MBTD1: variants seen among roughly 807,000 people sequenced by gnomAD.
The protein encoded by MBTD1 is mbt domain containing 1.
In MBTD1, 24 loss-of-function variants were observed where a neutral mutation model predicts 87.8. That is an observed-to-expected ratio of 0.27 (90% CI 0.20 to 0.38). The LOEUF (loss-of-function observed/expected upper bound fraction) is 0.38. MBTD1 is among the 10% of genes least tolerant of loss of function. MBTD1 has a pLI of 1.00. For synonymous variants in MBTD1, 237 were observed against 248.6 expected (o/e 0.95, Z 0.44); for missense variants, 436 against 760.2 (o/e 0.57, Z 5.02).
At chr17:51,225,801 C>T (rs2053183319) in intron 2 of MBTD1, among the ~76,000 whole-genome samples, 1 of 148,070 alleles carries the variant, frequency 6.8e-6, no homozygotes, top group African/African-American at 2.5e-5. Flanking sequence ...TTTTTTGAGA[C>T]TCGGTCTCAC....
At chr17:51,260,602 G>A (rs759243690), upstream of MBTD1, 11 of 1,612,476 alleles carry the variant, frequency 6.8e-6, no homozygotes, top group South Asian at 1.1e-5. Flanking sequence ...CGGAGCGGAG[G>A]AGACGAATGA....
chr17:51,206,536 A>T (rs904886311), intron 7 of MBTD1, among the ~76,000 whole-genome samples: 1 of 152,138 alleles, frequency 6.6e-6, no homozygotes, highest in African/African-American at 2.4e-5. Context: ...TTACATTTTT[A>T]ATGGTTGAAA....
intron 12 of MBTD1, among the ~76,000 whole-genome samples, chr17:51,198,664 A>G (rs1042658257): frequency 6.6e-6 from 1 of 152,190 alleles, no homozygotes; most frequent in South Asian, 2.1e-4. Context: ...CTGTTGTCAC[A>G]TGGGTGGGAT....
intron 2 of MBTD1, among the ~76,000 whole-genome samples, chr17:51,230,458 T>C (rs2143814208): frequency 1.3e-5 from 2 of 152,168 alleles, no homozygotes; most frequent in African/African-American, 4.8e-5. Flanking sequence ...GCAGACAAGA[T>C]CCATGGTTTT....
intron 2 of MBTD1, among the ~76,000 whole-genome samples, chr17:51,237,248 A>G (rs1235107144): frequency 6.8e-6 from 1 of 147,398 alleles, no homozygotes; most frequent in Admixed American, 6.9e-5. Context: ...GTGAGCCAAG[A>G]TCGTGCCATT....
chr17:51,220,602 C>A, intron 3 of MBTD1, 139 bp from the exon 4 acceptor site: 1 of 689,762 alleles, frequency 1.4e-6, no homozygotes, highest in Non-Finnish European at 2.3e-6. Context: ...ATCTCCTATA[C>A]AAATGATAAA....
At chr17:51,215,526 T>A (rs36046289) in intron 6 of MBTD1, among the ~76,000 whole-genome samples, 1 of 152,222 alleles carries the variant, frequency 6.6e-6, no homozygotes, top group South Asian at 2.1e-4. Flanking sequence ...TCCAGGAATC[T>A]GAGATGAAAG....
intron 16 of MBTD1, chr17:51,191,926 C>T (rs930242226): frequency 2.9e-6 from 1 of 350,642 alleles, no homozygotes; most frequent in Non-Finnish European, 5.1e-6. Flanking sequence ...GATTAACTTT[C>T]AGTAGGTTTT....
chr17:51,213,066 T>C (rs1033106827), intron 6 of MBTD1, among the ~76,000 whole-genome samples: 3 of 152,022 alleles, frequency 2.0e-5, no homozygotes, highest in African/African-American at 7.2e-5. Context: ...TGAGACAGTG[T>C]CTCATTCTGT....
chr17:51,192,904 C>T lies in MBTD1; in HGVS notation c.1568G>A (p.Arg523Lys), dbSNP rs1333396114. 2 of 1,614,018 alleles carry T rather than the reference C, an allele frequency of 1.2e-6. No individual in the cohort carries two copies. The highest frequency in any genetic ancestry group is 1.3e-5 in the African/African-American group (1 of 74,918). ...TVTRIIHRLL[R>K]IHFDGWEEEY... ...TTCTTCCCATCCATCAAAATGTATC[C>T]TCAAGAGACGATGAATAATTCGAGT... is the stretch of plus-strand genomic sequence containing the variant. Residue 523 changes from arginine (R) to lysine (K), a missense_variant, in exon 15 of 17, where the codon AGG becomes AAG. By Grantham distance (26) the Arg-to-Lys change is conservative (BLOSUM62 2). This residue lies in a region of MBTD1 where 80 missense variants were observed against 182.2 expected (regional missense o/e 0.44). Coordinates refer to ENST00000586178, the MANE Select transcript of MBTD1 (RefSeq NM_017643.3).
chr17:51,228,504 AACAAG>A (rs1197930816), intron 2 of MBTD1, among the ~76,000 whole-genome samples: 1 of 151,718 alleles, frequency 6.6e-6, no homozygotes, highest in African/African-American at 2.4e-5. Context: ...AAAAAAAAAA[AACAAG>A]ACAAAACTAA....
chr17:51,188,814 C>A (rs2050667311), intron 16 of MBTD1, among the ~76,000 whole-genome samples: 1 of 137,584 alleles, frequency 7.3e-6, no homozygotes. Flanking sequence ...GGCTGGAGTG[C>A]AATGGCGCGA....
At chr17:51,233,168 C>G (rs2053638443) in intron 2 of MBTD1, among the ~76,000 whole-genome samples, 1 of 144,376 alleles carries the variant, frequency 6.9e-6, no homozygotes. Flanking sequence ...CACATCTAAA[C>G]AGACCATAGT....
At chr17:51,244,353 A>C (rs1336208745) in intron 2 of MBTD1, among the ~76,000 whole-genome samples, 5 of 152,128 alleles carry the variant, frequency 3.3e-5, no homozygotes, top group Non-Finnish European at 7.3e-5. Flanking sequence ...ATTCATCACT[A>C]TTCTTATTCT....
intron 12 of MBTD1, among the ~76,000 whole-genome samples, chr17:51,201,090 C>T (rs775269768): frequency 6.6e-6 from 1 of 152,034 alleles, no homozygotes; most frequent in Non-Finnish European, 1.5e-5. Flanking sequence ...GATCACACTA[C>T]TGCACTCCAA....
intron 2 of MBTD1, chr17:51,256,562 ATTATAATGATTAG>A (rs2055100239): frequency 1.3e-5 from 2 of 152,312 alleles, no homozygotes; most frequent in South Asian, 4.1e-4. Context: ...CCAAGAAGTG[ATTATAATGATTAG>A]TTATGCTTAG....
At chr17:51,185,420 C>T (rs1173453597) in intron 16 of MBTD1, 1 of 152,210 alleles carries the variant, frequency 6.6e-6, no homozygotes, top group Non-Finnish European at 1.5e-5. Flanking sequence ...TCCTTACAAT[C>T]GACTACCTTG....
In MBTD1 at chr17:51,244,939, C is replaced by T. The variant is rs1391282911; in HGVS notation, c.-49+14204G>A. On this transcript the variant is annotated intron_variant, in intron 2 of 16. Coordinates refer to ENST00000586178, the MANE Select transcript of MBTD1 (RefSeq NM_017643.3). The stretch of plus-strand genomic sequence containing the variant: ...TTTTTTAATGGAGTTCTCAGTCTGT[C>T]GCCCAGGCTGAAGTGCAGTGGCATG... 4.0e-5 allele frequency among the ~76,000 whole-genome samples: 6 copies of T among 151,872 alleles called. No homozygotes were observed. The South Asian group carries it at 6.2e-4, about 16-fold the overall frequency.
intron 6 of MBTD1, 64 bp downstream of exon 6, chr17:51,217,270 T>C (rs988626182): frequency 5.0e-5 from 45 of 900,378 alleles, no homozygotes; most frequent in Non-Finnish European, 6.1e-5. Flanking sequence ...TTAGGTGTTA[T>C]TGTACCTTCA....
Sources: gnomAD v4.1 joint callset for allele counts (sites outside exome capture counted in the v4.1 genomes callset) on GRCh38, gnomAD v4.1.1 for gene constraint, gnomAD v4.1.1 regional missense constraint, MANE v1.5 for transcripts, NCBI Gene and HGNC (gene_info 2026-07-23, HGNC 2026-07-21) for gene names.